Variants in WDR27 observed in about 807,000 individuals in gnomAD.
WDR27 encodes WD repeat domain 27, also known as WD repeat-containing protein 27.
Under a neutral mutation model 114.4 loss-of-function variants are expected in WDR27, and 100 were observed. The observed-to-expected ratio is 0.87, with a 90% CI of 0.74 to 1.03. The LOEUF (loss-of-function observed/expected upper bound fraction) is 1.03, where lower values mean the gene tolerates loss of function less well. Among genes scored for constraint, WDR27 ranks in the 50% least tolerant of loss-of-function variants. The pLI is 0.00. For synonymous variants in WDR27, 449 were observed against 423.1 expected (o/e 1.06, Z -0.75); for missense variants, 1,129 against 1,092.9 (o/e 1.03, Z -0.47).
chr6:169,545,822 GCA>G (rs1797391953), intron 25 of WDR27, among the ~76,000 whole-genome samples: 1 of 151,806 alleles, frequency 6.6e-6, no homozygotes, highest in African/African-American at 2.4e-5. Flanking sequence ...TTCTATATAT[GCA>G]CACATACATA....
At chr6:169,616,356 C>T (rs759880485) in intron 21 of WDR27, among the ~76,000 whole-genome samples, 47 of 151,952 alleles carry the variant, frequency 3.1e-4, no homozygotes, top group South Asian at 8.3e-4. Context: ...GGTGTGGTGG[C>T]GGGCACCTGT....
chr6:169,657,390 G>T lies in WDR27; in HGVS notation c.1402+886C>A, dbSNP rs192355295. On this transcript the variant is annotated intron_variant, in intron 13 of 25. Coordinates refer to ENST00000448612, the MANE Select transcript of WDR27 (RefSeq NM_182552.5). ...AGCCCATGTCTGAGGACGGACTGAC[G>T]CAGGAACCCTAGCCCAGCCTAGCCG... is the stretch of plus-strand genomic sequence containing the variant. Among the ~76,000 whole-genome samples, 22 of 152,332 alleles carry T rather than the reference G, an allele frequency of 1.4e-4. No individual in the cohort carries two copies. The East Asian group carries it at 2.7e-3, about 19-fold the overall frequency.
At chr6:169,483,401 G>A (rs1296414074) in intron 25 of WDR27, among the ~76,000 whole-genome samples, 4 of 152,046 alleles carry the variant, frequency 2.6e-5, no homozygotes, top group East Asian at 3.9e-4. Context: ...CTATGCATAC[G>A]AACTAGAAAA....
chr6:169,516,439 C>T (rs1032804854), intron 25 of WDR27, among the ~76,000 whole-genome samples: 1 of 152,144 alleles, frequency 6.6e-6, no homozygotes. Flanking sequence ...CTTTCTCTCA[C>T]CTGACTCAGA....
At chr6:169,501,705 C>G (rs1010647247) in intron 25 of WDR27, among the ~76,000 whole-genome samples, 4 of 44,286 alleles carry the variant, frequency 9.0e-5, no homozygotes, top group African/African-American at 5.3e-4. Flanking sequence ...CTTATCTTCC[C>G]GACCCTTTTC....
chr6:169,701,904 C>G lies in WDR27; in HGVS notation c.-361G>C, dbSNP rs1391532342. 2.9e-6 allele frequency: 1 copy of G among 341,672 alleles called. No individual in the cohort carries two copies. The highest frequency in any genetic ancestry group is 4.0e-5 in the Admixed American group (1 of 25,240). The allele number at this position is 341,672 out of a possible 1,614,324, so 21.2% of individuals were successfully genotyped here. On this transcript the variant is annotated 5_prime_UTR_variant, in exon 1 of 26. Transcript: ENST00000448612. The stretch of plus-strand genomic sequence containing the variant: ...GGCGCCGACTCCGCGCCGAGACCAG[C>G]CCGCTAGGGGAGGACTCACAGCACC...
intron 25 of WDR27, among the ~76,000 whole-genome samples, chr6:169,467,325 C>T (rs1785720182): frequency 6.6e-6 from 1 of 152,210 alleles, no homozygotes; most frequent in South Asian, 2.1e-4. Context: ...CTAGGCAGTG[C>T]CCCAGTGGGG....
chr6:169,637,365 T>C (rs1350384378), intron 18 of WDR27, among the ~76,000 whole-genome samples: 1 of 152,250 alleles, frequency 6.6e-6, no homozygotes, highest in Non-Finnish European at 1.5e-5. Context: ...TCATGTGGCA[T>C]TCGCAGACCA....
chr6:169,576,568 C>T (rs1456356067), intron 24 of WDR27, among the ~76,000 whole-genome samples: 6 of 152,046 alleles, frequency 3.9e-5, no homozygotes, highest in South Asian at 2.1e-4. Flanking sequence ...TGAGACCAGC[C>T]TGGGCAAAAT....
chr6:169,629,927 CAA>C (rs747455041), intron 21 of WDR27, among the ~76,000 whole-genome samples: 23 of 52,400 alleles, frequency 4.4e-4, no homozygotes, highest in East Asian at 2.5e-3. Context: ...AACTTCATCT[CAA>C]AAAAAAAAAA....
intron 24 of WDR27, among the ~76,000 whole-genome samples, chr6:169,577,256 G>C (rs1265160373): frequency 2.3e-4 from 35 of 152,162 alleles, no homozygotes; most frequent in Admixed American, 2.3e-3. Flanking sequence ...AAGTGGGAAT[G>C]GGACGCGGAG....
At chr6:169,672,105 T>G in intron 3 of WDR27, 150 bp downstream of exon 3, 1 of 723,136 alleles carries the variant, frequency 1.4e-6, no homozygotes, top group South Asian at 2.6e-5. Flanking sequence ...CATGCCTGGG[T>G]TCAAGGTAAA....
chr6:169,575,051 C>T (rs1281716875), intron 24 of WDR27, among the ~76,000 whole-genome samples: 1 of 152,080 alleles, frequency 6.6e-6, no homozygotes, highest in African/African-American at 2.4e-5. Context: ...AAACCAGTAC[C>T]CCCCAATTCT....
At chr6:169,502,095 G>C (rs1791344441) in intron 25 of WDR27, among the ~76,000 whole-genome samples, 1 of 152,222 alleles carries the variant, frequency 6.6e-6, no homozygotes, top group Admixed American at 6.5e-5. Flanking sequence ...AGCCGCCCCG[G>C]GGCTGCGGGA....
At chr6:169,536,438 T>C (rs959523494) in intron 25 of WDR27, among the ~76,000 whole-genome samples, 1 of 152,200 alleles carries the variant, frequency 6.6e-6, no homozygotes, top group Non-Finnish European at 1.5e-5. Context: ...TTCTAACAAA[T>C]GCTGTAATAA....
chr6:169,662,304 C>T lies in WDR27; in HGVS notation c.1025G>A (p.Cys342Tyr). 1 of 1,612,960 alleles carries T rather than the reference C, an allele frequency of 6.2e-7. No homozygotes were observed. The highest frequency in any genetic ancestry group is 8.5e-7 in the Non-Finnish European group (1 of 1,179,048). The change falls in exon 9 of 26, where the codon TGT (cysteine) becomes TAT (tyrosine). Residue 342 changes from cysteine to tyrosine, a missense_variant and splice_region_variant. Transcript: ENST00000448612. ...CATAGGCAAAGTTTTTGATACTTACCATCCACATGCAGAATTTGGGATGAG... is the reference window on the plus strand; with the variant it reads ...CATAGGCAAAGTTTTTGATACTTACTATCCACATGCAGAATTTGGGATGAG... Reference protein sequence around the residue: ...LSLIPNSACGCLSSENTRCVW... With the variant: ...LSLIPNSACGYLSSENTRCVW...
intron 25 of WDR27, among the ~76,000 whole-genome samples, chr6:169,540,671 C>T (rs927229247): frequency 2.0e-5 from 3 of 152,098 alleles, no homozygotes; most frequent in Non-Finnish European, 4.4e-5. Context: ...ACCTCATGAT[C>T]CTCCCACCTT....
intron 25 of WDR27, among the ~76,000 whole-genome samples, chr6:169,466,750 G>A (rs1224802775): frequency 3.9e-5 from 6 of 152,126 alleles, no homozygotes; most frequent in African/African-American, 1.4e-4. Context: ...TGGAGACATA[G>A]CCAAACCAAA....
chr6:169,588,934 G>A (rs762858176), intron 23 of WDR27, among the ~76,000 whole-genome samples: 2 of 152,124 alleles, frequency 1.3e-5, no homozygotes, highest in African/African-American at 2.4e-5. Flanking sequence ...GGACAGCCAC[G>A]GAGCCTCAGT....
Sources: gnomAD v4.1 joint callset for allele counts (sites outside exome capture counted in the v4.1 genomes callset) on GRCh38, gnomAD v4.1.1 for gene constraint, MANE v1.5 for transcripts, NCBI Gene and HGNC (gene_info 2026-07-23, HGNC 2026-07-21) for gene names.